NPM1: variants seen among roughly 807,000 people sequenced by gnomAD.
NPM1 encodes the protein nucleophosmin.
In NPM1, 1 loss-of-function variant was observed where a neutral mutation model predicts 44.1. That is an observed-to-expected ratio of 0.02 (90% CI 0.01 to 0.11). The LOEUF (loss-of-function observed/expected upper bound fraction) is 0.11. Ranked by LOEUF, NPM1 falls within the 10% of genes least tolerant of loss-of-function variation. NPM1 has a pLI of 1.00. For missense variants in NPM1, 197 were observed against 347.8 expected, an observed-to-expected ratio of 0.57 and a Z score of 3.45; for synonymous variants, 126 against 111.8, an observed-to-expected ratio of 1.13 and a Z score of -0.80.
At chr5:171,407,366 C>G (rs1262683650) in intron 9 of NPM1, 2 of 290,684 alleles carry the variant, frequency 6.9e-6, no homozygotes, top group African/African-American at 2.3e-5. Context: ...GTATTTGGTT[C>G]TGGGTGATAA....
intron 4 of NPM1, 104 bp downstream of exon 4, chr5:171,391,903 T>C: frequency 1.7e-6 from 1 of 585,220 alleles, no homozygotes; most frequent in Non-Finnish European, 3.0e-6. Flanking sequence ...ACTGTCTTTT[T>C]AATAGGTTCC....
At chr5:171,405,569 C>T (rs376545246) in intron 9 of NPM1, 166 bp downstream of exon 9, 450 of 621,070 alleles carry the variant, frequency 7.2e-4, no homozygotes, top group Non-Finnish European at 1.1e-3. Flanking sequence ...CATTTATAAT[C>T]GTGTCTGTGG....
intron 6 of NPM1, among the ~76,000 whole-genome samples, chr5:171,393,518 TA>T (rs1770706156): frequency 6.6e-6 from 1 of 152,224 alleles, no homozygotes; most frequent in Non-Finnish European, 1.5e-5. Context: ...TTGATGACTT[TA>T]TATTAAACTA....
chr5:171,408,812 A>C (rs968104101), intron 10 of NPM1, among the ~76,000 whole-genome samples: 9 of 152,198 alleles, frequency 5.9e-5, no homozygotes, highest in Non-Finnish European at 1.2e-4. Context: ...GACATAAATA[A>C]CCAGCATGTA....
chr5:171,400,268 A>G, intron 7 of NPM1, 58 bp downstream of exon 7: 1 of 1,589,318 alleles, frequency 6.3e-7, no homozygotes, highest in Non-Finnish European at 8.6e-7. Flanking sequence ...GTGATTTTTT[A>G]GTGCTATTTG....
chr5:171,391,203 G>C lies in NPM1; in HGVS notation c.139-102G>C, dbSNP rs1272805323. 4.6e-6 allele frequency: 6 copies of C among 1,305,272 alleles called. No individual in the cohort carries two copies. In the South Asian group the frequency reaches 5.6e-5, roughly 12 times the overall value. 80.9% of individuals were successfully genotyped at this position (1,305,272 alleles called of 1,614,324 possible). ...CTAACAACACATTTCTCAGAACCTAGCCCTGTGGTTAAGTGACGCATGGCT... is the reference window on the plus strand; with the variant it reads ...CTAACAACACATTTCTCAGAACCTACCCCTGTGGTTAAGTGACGCATGGCT... On this transcript the variant is annotated intron_variant, in intron 2 of 10. Coordinates refer to ENST00000296930, the MANE Select transcript of NPM1 (RefSeq NM_002520.7).
At chr5:171,397,756 A>C (rs910057968) in intron 6 of NPM1, among the ~76,000 whole-genome samples, 1 of 150,560 alleles carries the variant, frequency 6.6e-6, no homozygotes, top group South Asian at 2.1e-4. Context: ...TCTGCCTCCC[A>C]AACTGCTGAG....
At chr5:171,388,046 CTGGTGGCGGTGA>C (rs771329556) in intron 1 of NPM1, 40 bp downstream of exon 1, 3 of 853,260 alleles carry the variant, frequency 3.5e-6, no homozygotes, top group Non-Finnish European at 3.7e-6. Context: ...CGAGCGGGGC[CTGGTGGCGGTGA>C]GGGTGGGGGT....
chr5:171,394,044 T>C (rs1316524200), intron 6 of NPM1, among the ~76,000 whole-genome samples: 3 of 126,416 alleles, frequency 2.4e-5, no homozygotes, highest in Non-Finnish European at 4.8e-5. Flanking sequence ...TTGTTTTCTT[T>C]TTTTTTTTTT....
rs751988143 is a variant in NPM1, at chr5:171,407,813, T to G, written c.846+39T>G. 2.3e-6 allele frequency: 3 copies of G among 1,283,112 alleles called. No individual in the cohort carries two copies. In the Admixed American group the frequency reaches 5.3e-5, roughly 23 times the overall value. The allele number at this position is 1,283,112 out of a possible 1,614,324, so 79.5% of individuals were successfully genotyped here. A position where few individuals can be genotyped will look rare whatever the true frequency, so the allele number is the denominator to read the frequency against. On this transcript the variant is annotated intron_variant, in intron 10 of 10. Coordinates refer to ENST00000296930, the MANE Select transcript of NPM1 (RefSeq NM_002520.7). ...CTGGGGACATGATTAAATCCAAGTT[T>G]TTTTGTGATTTATTATGATTCTGCC...
intron 3 of NPM1, 57 bp downstream of exon 3, chr5:171,391,481 A>C (rs541367715): frequency 6.3e-7 from 1 of 1,591,566 alleles, no homozygotes; most frequent in Non-Finnish European, 8.5e-7. Flanking sequence ...GTTTTAAGGT[A>C]GGTTTGGTGT....
upstream of NPM1, chr5:171,387,565 G>C (rs923873749): frequency 7.6e-5 from 19 of 248,760 alleles, no homozygotes; most frequent in African/African-American, 4.2e-4. Flanking sequence ...ACGTGGAAGG[G>C]TTGGAGGTGG....
intron 9 of NPM1, 46 bp from the exon 10 acceptor site, chr5:171,407,654 C>G (rs116674271): frequency 1.9e-6 from 2 of 1,039,056 alleles, no homozygotes; most frequent in Non-Finnish European, 3.0e-6. Context: ...GTATCTCTCT[C>G]GGTGTATTTC....
chr5:171,387,666 G>A (rs1030267599), upstream of NPM1: 2 of 483,180 alleles, frequency 4.1e-6, no homozygotes, highest in Non-Finnish European at 7.4e-6. Flanking sequence ...TGCTCGGTGG[G>A]AGCCCGCGGA....
At chr5:171,388,658 A>T (rs980918619) in intron 1 of NPM1, among the ~76,000 whole-genome samples, 3 of 152,180 alleles carry the variant, frequency 2.0e-5, no homozygotes, top group African/African-American at 7.2e-5. Context: ...CTCGTGAGCC[A>T]GGGATGCTGT....
chr5:171,387,417 G>A (rs915148642), upstream of NPM1, among the ~76,000 whole-genome samples: 26 of 152,154 alleles, frequency 1.7e-4, no homozygotes, highest in Non-Finnish European at 3.1e-4. Context: ...ATGGGGAAAG[G>A]TGAATCGAGG....
rs1450944729 is a variant in NPM1 at position 171,405,292 on chromosome 5, T to C, written c.670-10T>C. The C allele has an allele frequency of 7.2e-7, 1 of 1,395,870 alleles. No individual in the cohort carries two copies. The highest frequency in any genetic ancestry group is 1.0e-6 in the Non-Finnish European group (1 of 1,000,096). 86.5% of individuals were successfully genotyped at this position (1,395,870 alleles called of 1,614,324 possible). A position where few individuals can be genotyped will look rare whatever the true frequency, so the allele number is the denominator to read the frequency against. ...TCTTATGACCTTTTGGAAATTCATT[T>C]CTTTTTCAGGGACAAGAATCCTTCA... On this transcript the variant is annotated splice_polypyrimidine_tract_variant and intron_variant, in intron 8 of 10. Transcript: ENST00000296930.
At chr5:171,395,964 T>A (rs1770860101) in intron 6 of NPM1, among the ~76,000 whole-genome samples, 1 of 48,648 alleles carries the variant, frequency 2.1e-5, no homozygotes, top group Non-Finnish European at 4.2e-5. Context: ...TAAAGCTGAA[T>A]TTTTTTTTTT....
intron 6 of NPM1, among the ~76,000 whole-genome samples, chr5:171,397,500 G>T (rs1231377938): frequency 6.6e-6 from 1 of 152,172 alleles, no homozygotes; most frequent in Non-Finnish European, 1.5e-5. Flanking sequence ...AGTGCTGATT[G>T]TGGGTTTGAT....
Sources: gnomAD v4.1 joint callset for allele counts (sites outside exome capture counted in the v4.1 genomes callset) on GRCh38, gnomAD v4.1.1 for gene constraint, MANE v1.5 for transcripts, NCBI Gene and HGNC (gene_info 2026-07-23, HGNC 2026-07-21) for gene names.